Variants in OSBP2 observed in about 807,000 individuals in gnomAD.
OSBP2 encodes oxysterol-binding protein 2.
OSBP2 carries 66 observed loss-of-function variants against 96.0 expected under a neutral mutation model. The observed-to-expected ratio is 0.69, with a 90% CI of 0.56 to 0.84. The LOEUF is 0.84. Among genes scored for constraint, OSBP2 ranks in the 40% least tolerant of loss-of-function variants. The pLI is 0.00. For missense variants in OSBP2, 1,038 were observed against 1,222.7 expected (o/e 0.85, Z 2.25); for synonymous variants, 525 against 520.9 (o/e 1.01, Z -0.11).
intron 2 of OSBP2, among the ~76,000 whole-genome samples, chr22:30,749,872 T>G (rs1289572754): frequency 1.3e-5 from 2 of 152,020 alleles, no homozygotes; most frequent in East Asian, 3.9e-4. Flanking sequence ...CCTCCCAAAG[T>G]GGGAGGATTA....
intron 12 of OSBP2, chr22:30,902,212 C>A: frequency 1.5e-6 from 2 of 1,327,772 alleles, no homozygotes; most frequent in Non-Finnish European, 2.1e-6. Flanking sequence ...GAGTCGCTCA[C>A]AGAGCCCCAC....
intron 2 of OSBP2, among the ~76,000 whole-genome samples, chr22:30,778,234 T>A (rs2090462797): frequency 7.3e-6 from 1 of 137,466 alleles, no homozygotes; most frequent in Admixed American, 8.1e-5. Flanking sequence ...CATGGTGAAA[T>A]AAAAACAATG....
At chr22:30,737,141 A>G (rs149271536) in intron 1 of OSBP2, among the ~76,000 whole-genome samples, 2 of 151,936 alleles carry the variant, frequency 1.3e-5, no homozygotes, top group African/African-American at 2.4e-5. Context: ...TCAGCCTCCT[A>G]AGTGGCTGGG....
chr22:30,799,057 T>TATCCTTCC (rs1457363922), intron 2 of OSBP2, among the ~76,000 whole-genome samples: 1 of 120,258 alleles, frequency 8.3e-6, no homozygotes, highest in Non-Finnish European at 1.7e-5. Context: ...CATGCAAAGG[T>TATCCTTCC]TTCCTTCCTT....
intron 3 of OSBP2, among the ~76,000 whole-genome samples, chr22:30,878,008 A>AGGTGGGATGG (rs1283170433): frequency 6.6e-6 from 1 of 152,182 alleles, no homozygotes. Flanking sequence ...AGAGCCAGTG[A>AGGTGGGATGG]GGTGGGATGG....
chr22:30,733,093 G>C (rs1197504494), intron 1 of OSBP2, among the ~76,000 whole-genome samples: 1 of 152,218 alleles, frequency 6.6e-6, no homozygotes, highest in Non-Finnish European at 1.5e-5. Flanking sequence ...ATCCCTCCAA[G>C]GTGGAAGGGG....
At chr22:30,859,857 C>T (rs933891223) in intron 2 of OSBP2, among the ~76,000 whole-genome samples, 1 of 152,182 alleles carries the variant, frequency 6.6e-6, no homozygotes, top group Non-Finnish European at 1.5e-5. Flanking sequence ...AGCTTTTTTC[C>T]TCTCCTTTGG....
intron 3 of OSBP2, among the ~76,000 whole-genome samples, chr22:30,874,005 G>A (rs1031847349): frequency 6.6e-6 from 1 of 152,226 alleles, no homozygotes; most frequent in African/African-American, 2.4e-5. Flanking sequence ...GGGAGGCTGA[G>A]GTGGGTGGAT....
intron 2 of OSBP2, among the ~76,000 whole-genome samples, chr22:30,849,781 T>A (rs1195345073): frequency 6.6e-6 from 1 of 152,226 alleles, no homozygotes. Flanking sequence ...CTTTTTGTGT[T>A]CTAAGAAATT....
chr22:30,823,490 C>A (rs1602316100), intron 2 of OSBP2, among the ~76,000 whole-genome samples: 1 of 152,204 alleles, frequency 6.6e-6, no homozygotes, highest in Non-Finnish European at 1.5e-5. Flanking sequence ...CGGTTAATTT[C>A]ACCTAACACG....
intron 2 of OSBP2, among the ~76,000 whole-genome samples, chr22:30,839,952 C>T (rs1371240652): frequency 2.6e-5 from 4 of 151,558 alleles, no homozygotes; most frequent in Non-Finnish European, 5.9e-5. Context: ...CCTAGGTTTT[C>T]TTCTAGGGTT....
intron 12 of OSBP2, among the ~76,000 whole-genome samples, chr22:30,905,524 CAT>C (rs1323388253): frequency 2.0e-5 from 3 of 152,034 alleles, no homozygotes; most frequent in East Asian, 3.9e-4. Flanking sequence ...GAAAAAAAAA[CAT>C]AATAGAAAAG....
intron 2 of OSBP2, among the ~76,000 whole-genome samples, chr22:30,774,314 T>A (rs1048693705): frequency 6.6e-6 from 1 of 152,308 alleles, no homozygotes; most frequent in East Asian, 1.9e-4. Flanking sequence ...TTGCCTAGGA[T>A]CACCATTGGA....
chr22:30,779,063 A>G (rs1474485154), intron 2 of OSBP2, among the ~76,000 whole-genome samples: 1 of 151,002 alleles, frequency 6.6e-6, no homozygotes. Context: ...ATTTAATTTT[A>G]TCTTTTAAAG....
In OSBP2 at chr22:30,764,820, T is replaced by C. The variant is rs2090250843; in HGVS notation, c.853+23451T>C. Among the ~76,000 whole-genome samples, 3 of 152,142 alleles carry C rather than the reference T, an allele frequency of 2.0e-5. No individual in the cohort carries two copies. The South Asian group carries it at 6.2e-4, about 32-fold the overall frequency. On this transcript the variant is annotated intron_variant, in intron 2 of 13. Transcript: ENST00000332585. ...AGGAGAGAAGCCCCATCCTCCCAGCTGGCCAGACAGTATAAAGAACTCTCT... is the reference window on the plus strand; with the variant it reads ...AGGAGAGAAGCCCCATCCTCCCAGCCGGCCAGACAGTATAAAGAACTCTCT...
chr22:30,754,740 TCTC>T (rs900397467), intron 2 of OSBP2, among the ~76,000 whole-genome samples: 4 of 152,108 alleles, frequency 2.6e-5, no homozygotes, highest in Non-Finnish European at 5.9e-5. Context: ...GTGTCTGACT[TCTC>T]CACCTGGAGC....
At chr22:30,834,942 A>T (rs1452988485) in intron 2 of OSBP2, among the ~76,000 whole-genome samples, 2 of 151,320 alleles carry the variant, frequency 1.3e-5, no homozygotes, top group Non-Finnish European at 2.9e-5. Context: ...CAGTCTCCTG[A>T]GCAGCTGAGA....
intron 1 of OSBP2, among the ~76,000 whole-genome samples, chr22:30,708,634 G>A (rs927120102): frequency 2.7e-5 from 4 of 150,578 alleles, no homozygotes; most frequent in Non-Finnish European, 4.4e-5. Flanking sequence ...GATTACAGGC[G>A]CCCACCATCA....
chr22:30,773,933 C>T (rs1023237131), intron 2 of OSBP2, among the ~76,000 whole-genome samples: 1 of 152,154 alleles, frequency 6.6e-6, no homozygotes, highest in Non-Finnish European at 1.5e-5. Context: ...ATTAGCCCTC[C>T]AGCTGCTGCC....
Sources: gnomAD v4.1 joint callset for allele counts (sites outside exome capture counted in the v4.1 genomes callset) on GRCh38, gnomAD v4.1.1 for gene constraint, MANE v1.5 for transcripts, NCBI Gene and HGNC (gene_info 2026-07-23, HGNC 2026-07-21) for gene names.